TMEM108: variants seen among roughly 807,000 people sequenced by gnomAD.
TMEM108 encodes cancer/testis antigen 124.
A neutral mutation model predicts 35.1 loss-of-function variants in TMEM108; 12 were observed. The ratio of observed to expected loss-of-function variants is 0.34; its 90% CI spans 0.22 to 0.55. The LOEUF is 0.55. Among genes scored for constraint, TMEM108 ranks in the 20% least tolerant of loss-of-function variants. The pLI is 0.89. For synonymous variants in TMEM108, 287 were observed against 308.6 expected (o/e 0.93, Z 0.73); for missense variants, 680 against 753.3 (o/e 0.90, Z 1.14).
chr3:133,126,814 C>A (rs1422801984), intron 2 of TMEM108, among the ~76,000 whole-genome samples: 1 of 152,096 alleles, frequency 6.6e-6, no homozygotes, highest in Non-Finnish European at 1.5e-5. Context: ...TACACATCCT[C>A]CCATATATTT....
chr3:133,384,495 C>T (rs964144046), intron 4 of TMEM108, among the ~76,000 whole-genome samples: 5 of 150,174 alleles, frequency 3.3e-5, no homozygotes, highest in African/African-American at 7.4e-5. Flanking sequence ...ATATGTGTCC[C>T]GGGGCTGAGA....
chr3:133,215,010 T>A (rs1164981703), intron 2 of TMEM108, among the ~76,000 whole-genome samples: 1 of 152,162 alleles, frequency 6.6e-6, no homozygotes, highest in Non-Finnish European at 1.5e-5. Flanking sequence ...GGGCTGCTAT[T>A]GTATATAGTC....
intron 3 of TMEM108, among the ~76,000 whole-genome samples, chr3:133,308,373 C>T (rs1340105005): frequency 6.6e-6 from 1 of 152,046 alleles, no homozygotes; most frequent in Non-Finnish European, 1.5e-5. Flanking sequence ...GCGTGATTAC[C>T]CTGGCCAGAA....
intron 2 of TMEM108, among the ~76,000 whole-genome samples, chr3:133,173,382 T>G (rs894157555): frequency 6.6e-6 from 1 of 152,248 alleles, no homozygotes; most frequent in South Asian, 2.1e-4. Flanking sequence ...GTTGTATATC[T>G]ACACAAACCA....
At chr3:133,143,874 T>C (rs191926496) in intron 2 of TMEM108, among the ~76,000 whole-genome samples, 1 of 152,310 alleles carries the variant, frequency 6.6e-6, no homozygotes, top group East Asian at 1.9e-4. Flanking sequence ...TCCTCTCTTC[T>C]CTGATACTCT....
chr3:133,132,034 G>A (rs1159148240), intron 2 of TMEM108, among the ~76,000 whole-genome samples: 4 of 152,202 alleles, frequency 2.6e-5, no homozygotes, highest in Admixed American at 6.5e-5. Context: ...TGAGAGAGGT[G>A]AAGAAGCTGC....
intron 2 of TMEM108, among the ~76,000 whole-genome samples, chr3:133,058,312 G>C (rs1373671275): frequency 6.6e-6 from 1 of 152,198 alleles, no homozygotes; most frequent in African/African-American, 2.4e-5. Flanking sequence ...TTTAGGAAGA[G>C]AGCTGATGGG....
chr3:133,265,504 A>G (rs967525212), intron 3 of TMEM108, among the ~76,000 whole-genome samples: 7 of 152,092 alleles, frequency 4.6e-5, no homozygotes, highest in African/African-American at 1.7e-4. Flanking sequence ...TCTGAACCCA[A>G]TGTGTGGGAG....
chr3:133,251,778 A>C (rs563714082), intron 3 of TMEM108, among the ~76,000 whole-genome samples: 1 of 150,750 alleles, frequency 6.6e-6, no homozygotes, highest in East Asian at 2.0e-4. Flanking sequence ...GCCACTTCCC[A>C]AGAGCAAATC....
chr3:133,229,290 A>T lies in TMEM108; in HGVS notation c.-22A>T. ...GACAGAATCATGAATAAACTGGAGG[A>T]TAAGCAGGACCAGATGATACCATGA... On this transcript the variant is annotated 5_prime_UTR_variant, in exon 3 of 6. Coordinates refer to ENST00000321871, the MANE Select transcript of TMEM108 (RefSeq NM_023943.4). 6.2e-7 allele frequency: 1 copy of T among 1,610,056 alleles called. No individual in the cohort carries two copies. The highest frequency in any genetic ancestry group is 8.5e-7 in the Non-Finnish European group (1 of 1,178,170).
intron 2 of TMEM108, among the ~76,000 whole-genome samples, chr3:133,093,866 A>G (rs544524466): frequency 2.0e-5 from 3 of 152,266 alleles, no homozygotes; most frequent in South Asian, 2.1e-4. Flanking sequence ...GAAAGCACAA[A>G]TGATGTCTTT....
At chr3:133,377,664 G>T (rs534935507) in intron 3 of TMEM108, among the ~76,000 whole-genome samples, 1 of 152,198 alleles carries the variant, frequency 6.6e-6, no homozygotes, top group African/African-American at 2.4e-5. Flanking sequence ...GGATTGACTC[G>T]AATACACAGA....
At chr3:133,175,276 C>T (rs1945200624) in intron 2 of TMEM108, among the ~76,000 whole-genome samples, 3 of 152,198 alleles carry the variant, frequency 2.0e-5, no homozygotes, top group Non-Finnish European at 4.4e-5. Flanking sequence ...AGGAGAACTT[C>T]CCCAACCTAG....
At chr3:133,149,560 G>C (rs567876665) in intron 2 of TMEM108, among the ~76,000 whole-genome samples, 1 of 152,194 alleles carries the variant, frequency 6.6e-6, no homozygotes, top group South Asian at 2.1e-4. Context: ...GAGTTCAACT[G>C]CTTTAGACTC....
chr3:133,235,992 G>C (rs1045708860), intron 3 of TMEM108, among the ~76,000 whole-genome samples: 2 of 152,048 alleles, frequency 1.3e-5, no homozygotes, highest in Non-Finnish European at 2.9e-5. Flanking sequence ...TGTTTGCTTG[G>C]GTACTGTGTA....
Position 133,395,998 on chromosome 3 carries a change from A to T in TMEM108, c.*12A>T. 6.5e-7 allele frequency: 1 copy of T among 1,540,046 alleles called. No individual in the cohort carries two copies. The highest frequency in any genetic ancestry group is 1.3e-5 in the South Asian group (1 of 76,624). On this transcript the variant is annotated 3_prime_UTR_variant, in exon 6 of 6. Coordinates refer to ENST00000321871, the MANE Select transcript of TMEM108 (RefSeq NM_023943.4). ...TATCTGAGATCTAACTACAGCAGGCATCACTTTGCCATTCCGTATTTTTCG... is the reference window on the plus strand; with the variant it reads ...TATCTGAGATCTAACTACAGCAGGCTTCACTTTGCCATTCCGTATTTTTCG...
intron 2 of TMEM108, among the ~76,000 whole-genome samples, chr3:133,170,309 G>A (rs73215572): frequency 0.035 from 5,340 of 152,238 alleles, 130 homozygotes; most frequent in Non-Finnish European, 0.056. Flanking sequence ...AAAGACAATG[G>A]AGGCCACCCA....
chr3:133,057,145 A>G (rs1943474901), intron 2 of TMEM108, among the ~76,000 whole-genome samples: 1 of 152,152 alleles, frequency 6.6e-6, no homozygotes, highest in Non-Finnish European at 1.5e-5. Context: ...TGTCAGCTAC[A>G]AGAGTGTCAG....
At chr3:133,040,226 C>T in intron 1 of TMEM108, among the ~76,000 whole-genome samples, 2 of 127,030 alleles carry the variant, frequency 1.6e-5, no homozygotes, top group African/African-American at 5.9e-5. Context: ...TTTTTTGAGA[C>T]GGAGTCTCCG....
Sources: allele counts gnomAD v4.1 joint callset (sites outside exome capture counted in the v4.1 genomes callset), GRCh38; gene constraint gnomAD v4.1.1; transcripts MANE v1.5; gene names NCBI Gene and HGNC (gene_info 2026-07-23, HGNC 2026-07-21).